Variants in CNTN3 observed in about 807,000 individuals in gnomAD.
The protein encoded by CNTN3 is contactin 3, also known as contactin-3.
Under a neutral mutation model 119.1 loss-of-function variants are expected in CNTN3, and 60 were observed. The ratio of observed to expected loss-of-function variants is 0.50; its 90% CI spans 0.41 to 0.62. The LOEUF (loss-of-function observed/expected upper bound fraction) is 0.62. CNTN3 is among the 20% of genes least tolerant of loss of function. The probability of loss-of-function intolerance (pLI) is 0.00; values close to 1 mark genes in which losing one functional copy is unlikely to be tolerated. For missense variants in CNTN3, 1,101 were observed against 1,242.4 expected (o/e 0.89, Z 1.71); for synonymous variants, 450 against 438.7 (o/e 1.03, Z -0.32).
rs1055781823 is a variant in CNTN3 at position 74,466,677 on chromosome 3, T to C, written c.358+19779A>G. 3.3e-5 allele frequency among the ~76,000 whole-genome samples: 5 copies of C among 152,294 alleles called. 1 individual carries two copies. In the East Asian group the frequency reaches 7.7e-4, roughly 24 times the overall value. ...CTACTGGACAACCTGGAGCTAAATGTAGATTTTTAGAAGAGATTTTCAGTG... is the reference window on the plus strand; with the variant it reads ...CTACTGGACAACCTGGAGCTAAATGCAGATTTTTAGAAGAGATTTTCAGTG... On this transcript the variant is annotated intron_variant, in intron 4 of 22. Transcript: ENST00000263665.
At position 74,280,386 on chromosome 3, in the gene CNTN3, C is replaced by T. The variant is rs139993765; in HGVS notation, c.2704+4919G>A. On this transcript the variant is annotated intron_variant, in intron 20 of 22. Coordinates refer to ENST00000263665, the MANE Select transcript of CNTN3 (RefSeq NM_020872.3). Reference sequence around the variant, plus strand: ...CATAAAAATATAGAATCCCCTTGTTCCAGGGGAGTCTGGGCATGTGTTTCA... The same window carrying T: ...CATAAAAATATAGAATCCCCTTGTTTCAGGGGAGTCTGGGCATGTGTTTCA... 4.3e-3 allele frequency among the ~76,000 whole-genome samples: 661 copies of T among 152,234 alleles called. 16 individuals are homozygous for T. The highest frequency in any genetic ancestry group is 3.4e-3 in the Middle Eastern group (1 of 294).
chr3:74,412,484 C>T (rs1238817153), intron 5 of CNTN3, among the ~76,000 whole-genome samples: 2 of 152,128 alleles, frequency 1.3e-5, no homozygotes, highest in Non-Finnish European at 2.9e-5. Flanking sequence ...ATTTTATGTA[C>T]CCCTGAATCT....
intron 10 of CNTN3, among the ~76,000 whole-genome samples, chr3:74,362,250 G>T (rs777580140): frequency 3.9e-5 from 6 of 152,174 alleles, no homozygotes; most frequent in African/African-American, 2.4e-5. Context: ...ACTTTATACA[G>T]AAATGTTTAG....
intron 9 of CNTN3, among the ~76,000 whole-genome samples, chr3:74,365,089 A>G (rs905987170): frequency 2.6e-5 from 4 of 152,128 alleles, no homozygotes; most frequent in African/African-American, 7.2e-5. Context: ...ATGGAAACTG[A>G]AAGAACACAA....
rs550358393 is a variant in CNTN3, at chr3:74,588,769, T to C, written c.-81+25622A>G. Among the ~76,000 whole-genome samples, 4 of 152,178 alleles carry C rather than the reference T, an allele frequency of 2.6e-5. No homozygotes were observed. The South Asian group carries it at 8.3e-4, about 32-fold the overall frequency. The stretch of plus-strand genomic sequence containing the variant: ...GTACCAAAACAGAGATACAGATCAA[T>C]GGAACAGAACAGAGCCCTCAGAAAT... On this transcript the variant is annotated intron_variant, in intron 1 of 22. Transcript: ENST00000263665.
chr3:74,595,592 A>C (rs182028684), intron 1 of CNTN3, among the ~76,000 whole-genome samples: 1 of 152,336 alleles, frequency 6.6e-6, no homozygotes, highest in East Asian at 1.9e-4. Flanking sequence ...CAAAAACCAC[A>C]TGATTATCTC....
chr3:74,488,601 G>GA (rs1702903458), intron 3 of CNTN3, among the ~76,000 whole-genome samples: 1 of 152,268 alleles, frequency 6.6e-6, no homozygotes, highest in East Asian at 1.9e-4. Flanking sequence ...GAGTAGTAAA[G>GA]AAAATGGGTG....
intron 5 of CNTN3, among the ~76,000 whole-genome samples, chr3:74,385,719 T>C (rs986596393): frequency 1.3e-5 from 2 of 152,330 alleles, no homozygotes; most frequent in African/African-American, 4.8e-5. Context: ...TCCACAAGGA[T>C]TAGGTAATCC....
chr3:74,602,875 G>T (rs1704934208), intron 1 of CNTN3, among the ~76,000 whole-genome samples: 2 of 152,060 alleles, frequency 1.3e-5, no homozygotes, highest in Non-Finnish European at 2.9e-5. Flanking sequence ...TTGTGTTTCT[G>T]CCCTCACTAA....
rs531767374 is a variant in CNTN3, at chr3:74,504,605, T to A, written c.56-4820A>T. On this transcript the variant is annotated intron_variant, in intron 2 of 22. Coordinates refer to ENST00000263665, the MANE Select transcript of CNTN3 (RefSeq NM_020872.3). ...GACAAAGTATTCGATCTTAGAATATTTCATTTCTTTAACAAATATCTGAAT... is the reference window on the plus strand; with the variant it reads ...GACAAAGTATTCGATCTTAGAATATATCATTTCTTTAACAAATATCTGAAT... Among the ~76,000 whole-genome samples the A allele has an allele frequency of 9.2e-5, 14 of 152,284 alleles. No homozygotes were observed. In the South Asian group the frequency reaches 2.1e-3, roughly 23 times the overall value.
chr3:74,535,835 T>C (rs1376955559), intron 1 of CNTN3, among the ~76,000 whole-genome samples: 1 of 152,106 alleles, frequency 6.6e-6, no homozygotes, highest in African/African-American at 2.4e-5. Flanking sequence ...CTTCAAGACA[T>C]TCGTGACGAC....
At position 74,567,793 on chromosome 3, in the gene CNTN3, T is replaced by C. The variant is rs183806916; in HGVS notation, c.-81+46598A>G. Among the ~76,000 whole-genome samples, 69 of 152,280 alleles carry C rather than the reference T, an allele frequency of 4.5e-4. 1 individual carries two copies. Among genetic ancestry groups the C allele is most frequent in the African/African-American group, 1.6e-3 (65 of 41,578 alleles). Reference sequence around the variant, plus strand: ...CAATTTGAGGGGAGTTTTAAGAGTATGTGAAAGCGCTAGGAGAATACAAAT... The same window carrying C: ...CAATTTGAGGGGAGTTTTAAGAGTACGTGAAAGCGCTAGGAGAATACAAAT... On this transcript the variant is annotated intron_variant, in intron 1 of 22. Transcript: ENST00000263665.
At chr3:74,542,089 C>A (rs1006435168) in intron 1 of CNTN3, among the ~76,000 whole-genome samples, 1 of 152,074 alleles carries the variant, frequency 6.6e-6, no homozygotes, top group Admixed American at 6.6e-5. Context: ...TAAAAATTAG[C>A]CAGGCATGGT....
At chr3:74,555,041 T>C (rs1704048387) in intron 1 of CNTN3, among the ~76,000 whole-genome samples, 2 of 152,036 alleles carry the variant, frequency 1.3e-5, no homozygotes, top group East Asian at 1.9e-4. Context: ...ATGATACTGG[T>C]TGTGGGTTTG....
At chr3:74,456,182 T>G (rs948949550) in intron 4 of CNTN3, among the ~76,000 whole-genome samples, 2 of 151,996 alleles carry the variant, frequency 1.3e-5, no homozygotes, top group African/African-American at 4.8e-5. Context: ...ATCCTCTTTA[T>G]TGTATAACTT....
intron 2 of CNTN3, among the ~76,000 whole-genome samples, chr3:74,513,257 G>A (rs1007290618): frequency 5.9e-5 from 9 of 152,056 alleles, no homozygotes; most frequent in South Asian, 2.1e-4. Context: ...AACTTTAATC[G>A]TACCAGTGCT....
intron 5 of CNTN3, among the ~76,000 whole-genome samples, chr3:74,396,744 C>CAAA (rs1186415441): frequency 3.7e-5 from 1 of 27,304 alleles, no homozygotes. Flanking sequence ...GATTCCGCCT[C>CAAA]AGAAAAAAAA....
chr3:74,370,441 C>T (rs1046619707), intron 6 of CNTN3, among the ~76,000 whole-genome samples: 3 of 152,016 alleles, frequency 2.0e-5, no homozygotes, highest in African/African-American at 7.2e-5. Context: ...TATATTATTG[C>T]TTCCTGAAAT....
intron 4 of CNTN3, among the ~76,000 whole-genome samples, chr3:74,477,089 A>G (rs982520828): frequency 2.0e-5 from 3 of 152,148 alleles, no homozygotes; most frequent in African/African-American, 7.2e-5. Flanking sequence ...ACTCTCCAGA[A>G]TTGTATAAAA....
Sources: gnomAD v4.1 joint callset for allele counts (sites outside exome capture counted in the v4.1 genomes callset) on GRCh38, gnomAD v4.1.1 for gene constraint, MANE v1.5 for transcripts, NCBI Gene and HGNC (gene_info 2026-07-23, HGNC 2026-07-21) for gene names.